KIF16B: variants seen among roughly 807,000 people sequenced by gnomAD.
The protein encoded by KIF16B is kinesin-like protein KIF16B.
In KIF16B, 98 loss-of-function variants were observed where a neutral mutation model predicts 156.3. The observed-to-expected ratio is 0.63, with a 90% CI of 0.53 to 0.74. KIF16B has a LOEUF of 0.74. Ranked by LOEUF, KIF16B falls within the 30% of genes least tolerant of loss-of-function variation. KIF16B has a pLI of 0.00. For missense variants in KIF16B, 1,421 were observed against 1,606.5 expected (o/e 0.88, Z 1.97); for synonymous variants, 564 against 583.7 (o/e 0.97, Z 0.49).
At chr20:16,277,274 G>T (rs901153273) in intron 25 of KIF16B, among the ~76,000 whole-genome samples, 1 of 152,120 alleles carries the variant, frequency 6.6e-6, no homozygotes, top group Non-Finnish European at 1.5e-5. Context: ...AGGGATAAGC[G>T]TTGGTCACCG....
intron 22 of KIF16B, among the ~76,000 whole-genome samples, chr20:16,364,349 A>G (rs2064613216): frequency 6.6e-6 from 1 of 152,266 alleles, no homozygotes; most frequent in Admixed American, 6.5e-5. Flanking sequence ...GAAGTCCCAC[A>G]ATATAAATGT....
intron 15 of KIF16B, among the ~76,000 whole-genome samples, chr20:16,410,214 C>CATATACATAT (rs1453431868): frequency 5.0e-5 from 6 of 120,220 alleles, no homozygotes; most frequent in African/African-American, 2.1e-4. Context: ...GGTACATATA[C>CATATACATAT]ATGTAGGTAC....
chr20:16,288,747 T>C (rs111617793), intron 25 of KIF16B, among the ~76,000 whole-genome samples: 3 of 147,362 alleles, frequency 2.0e-5, no homozygotes, highest in African/African-American at 5.0e-5. Context: ...GATAAGGTTA[T>C]TGGGATCCCA....
At chr20:16,430,645 C>T (rs1277034261) in intron 12 of KIF16B, among the ~76,000 whole-genome samples, 1 of 152,060 alleles carries the variant, frequency 6.6e-6, no homozygotes, top group Non-Finnish European at 1.5e-5. Context: ...CTCTTACTCT[C>T]TCTTGAACTC....
intron 1 of KIF16B, among the ~76,000 whole-genome samples, chr20:16,553,711 A>G (rs372406030): frequency 6.6e-6 from 1 of 152,230 alleles, no homozygotes; most frequent in Non-Finnish European, 1.5e-5. Flanking sequence ...GTTATGTAAG[A>G]TTCTTCTCCA....
intron 1 of KIF16B, among the ~76,000 whole-genome samples, chr20:16,563,966 T>C (rs999556012): frequency 1.3e-5 from 2 of 152,158 alleles, no homozygotes; most frequent in Non-Finnish European, 2.9e-5. Context: ...CTCCCCTCCT[T>C]TCTCTTTCCA....
At chr20:16,456,115 T>TACAAC (rs2067206235) in intron 12 of KIF16B, among the ~76,000 whole-genome samples, 1 of 151,072 alleles carries the variant, frequency 6.6e-6, no homozygotes, top group Non-Finnish European at 1.5e-5. Context: ...TACAATACAA[T>TACAAC]ACAATACAAT....
intron 25 of KIF16B, among the ~76,000 whole-genome samples, chr20:16,307,658 T>C (rs569700869): frequency 1.3e-5 from 2 of 152,344 alleles, no homozygotes; most frequent in African/African-American, 4.8e-5. Context: ...TGAATCTACA[T>C]ATAATAAAGA....
intron 25 of KIF16B, among the ~76,000 whole-genome samples, chr20:16,276,550 G>A (rs746236863): frequency 2.0e-5 from 3 of 152,140 alleles, no homozygotes; most frequent in Admixed American, 6.5e-5. Flanking sequence ...CTTCCTTGGC[G>A]CAAAGAAATG....
chr20:16,436,575 T>A (rs1165469866), intron 12 of KIF16B, among the ~76,000 whole-genome samples: 1 of 152,162 alleles, frequency 6.6e-6, no homozygotes, highest in Non-Finnish European at 1.5e-5. Context: ...GAAGGTACAG[T>A]GGGGGGTATT....
chr20:16,352,074 GTA>G (rs2064349208), intron 23 of KIF16B, among the ~76,000 whole-genome samples: 1 of 152,228 alleles, frequency 6.6e-6, no homozygotes. Context: ...CGACTAATCT[GTA>G]GGTGCAGAGG....
At chr20:16,358,099 GA>G in intron 22 of KIF16B, among the ~76,000 whole-genome samples, 1 of 152,246 alleles carries the variant, frequency 6.6e-6, no homozygotes, top group Admixed American at 6.5e-5. Context: ...TGAGGCAGGA[GA>G]ATCACTCGAA....
chr20:16,432,295 G>A (rs2066523753), intron 12 of KIF16B, among the ~76,000 whole-genome samples: 2 of 152,100 alleles, frequency 1.3e-5, no homozygotes, highest in African/African-American at 4.8e-5. Flanking sequence ...CTCCATGACT[G>A]TACGAGCAAC....
At chr20:16,451,341 G>A (rs1173466186) in intron 12 of KIF16B, among the ~76,000 whole-genome samples, 1 of 151,876 alleles carries the variant, frequency 6.6e-6, no homozygotes, top group Admixed American at 6.6e-5. Context: ...AAAAAAAAAT[G>A]GAGCTCCTCT....
At chr20:16,329,532 A>G (rs1258487997) in intron 24 of KIF16B, among the ~76,000 whole-genome samples, 1 of 152,218 alleles carries the variant, frequency 6.6e-6, no homozygotes, top group African/African-American at 2.4e-5. Context: ...ATGCTGCATA[A>G]TACTTCATAG....
At chr20:16,429,801 A>T in intron 13 of KIF16B, 62 bp downstream of exon 13, 1 of 1,389,558 alleles carries the variant, frequency 7.2e-7, no homozygotes, top group Non-Finnish European at 9.9e-7. Context: ...TAATAAACCT[A>T]GTTAGTGTCT....
chr20:16,531,084 G>A (rs953020468), intron 1 of KIF16B, among the ~76,000 whole-genome samples: 1 of 152,126 alleles, frequency 6.6e-6, no homozygotes, highest in African/African-American at 2.4e-5. Context: ...CTGTCAAAAG[G>A]ACTCAGGAAC....
intron 17 of KIF16B, among the ~76,000 whole-genome samples, chr20:16,387,158 A>G (rs759765479): frequency 4.6e-5 from 7 of 152,212 alleles, no homozygotes; most frequent in Non-Finnish European, 8.8e-5. Context: ...AAATAATAGC[A>G]GGGTTAGAAG....
At chr20:16,447,669 TAAG>T (rs751603342) in intron 12 of KIF16B, among the ~76,000 whole-genome samples, 11 of 152,182 alleles carry the variant, frequency 7.2e-5, no homozygotes, top group Non-Finnish European at 1.5e-4. Flanking sequence ...AACTCTGGCT[TAAG>T]ATGGCAACTG....
Sources: allele counts gnomAD v4.1 joint callset (sites outside exome capture counted in the v4.1 genomes callset), GRCh38; gene constraint gnomAD v4.1.1; transcripts MANE v1.5; gene names NCBI Gene and HGNC (gene_info 2026-07-23, HGNC 2026-07-21).